RNF180: variants seen among roughly 807,000 people sequenced by gnomAD.
RNF180 encodes the protein ring finger protein 180.
A neutral mutation model predicts 59.2 loss-of-function variants in RNF180; 38 were observed. The ratio of observed to expected loss-of-function variants is 0.64; its 90% confidence interval spans 0.50 to 0.84. The LOEUF (loss-of-function observed/expected upper bound fraction) is 0.84. Ranked by LOEUF, RNF180 falls within the 40% of genes least tolerant of loss-of-function variation. RNF180 has a pLI of 0.00. For synonymous variants in RNF180, 262 were observed against 240.3 expected, an observed-to-expected ratio of 1.09 and a Z score of -0.84; for missense variants, 705 against 700.9, an observed-to-expected ratio of 1.01 and a Z score of -0.07.
chr5:64,234,168 C>T (rs1015218591), intron 5 of RNF180, among the ~76,000 whole-genome samples: 4 of 152,016 alleles, frequency 2.6e-5, no homozygotes, highest in Non-Finnish European at 4.4e-5. Context: ...CTGTTAAAAA[C>T]GAATTAAAGT....
intron 5 of RNF180, among the ~76,000 whole-genome samples, chr5:64,244,707 G>C (rs1170848149): frequency 1.3e-5 from 2 of 152,130 alleles, no homozygotes; most frequent in Non-Finnish European, 2.9e-5. Context: ...TAGCAAGACA[G>C]GCCAACATTC....
chr5:64,230,906 AT>A lies in RNF180; in HGVS notation c.1227+13511del, dbSNP rs576892358. Among the ~76,000 whole-genome samples, 243 of 152,348 alleles carry A rather than the reference AT, an allele frequency of 1.6e-3. 1 individual carries two copies. The highest frequency in any genetic ancestry group is 5.6e-3 in the African/African-American group (232 of 41,580). On this transcript the variant is annotated intron_variant, in intron 5 of 7. Transcript: ENST00000389100. The stretch of plus-strand genomic sequence containing the variant: ...AAAGTGAGTATGGGTTCTAGGAGGT[AT>A]AATTCATTAATTATGTATCCACCAT...
chr5:64,369,270 T>C (rs1746567899), intron 7 of RNF180, among the ~76,000 whole-genome samples: 1 of 151,700 alleles, frequency 6.6e-6, no homozygotes, highest in Admixed American at 6.6e-5. Context: ...TGAGAACACA[T>C]GGACACAGGA....
intron 7 of RNF180, among the ~76,000 whole-genome samples, 159 bp downstream of exon 7, chr5:64,330,565 A>G (rs1744858891): frequency 6.6e-6 from 1 of 152,274 alleles, no homozygotes; most frequent in Non-Finnish European, 1.5e-5. Context: ...GCTGAAAACT[A>G]CAGATGTACA....
intron 5 of RNF180, among the ~76,000 whole-genome samples, chr5:64,316,066 A>G (rs1362441707): frequency 2.0e-5 from 3 of 152,044 alleles, no homozygotes; most frequent in African/African-American, 4.8e-5. Context: ...ATAACATCTC[A>G]GTATATTATT....
chr5:64,259,256 T>C (rs1048385086), intron 5 of RNF180, among the ~76,000 whole-genome samples: 8 of 152,144 alleles, frequency 5.3e-5, no homozygotes, highest in Admixed American at 4.6e-4. Flanking sequence ...CTGAAGAGGC[T>C]GAGAATCCCG....
intron 5 of RNF180, among the ~76,000 whole-genome samples, chr5:64,220,476 T>C (rs950070817): frequency 3.9e-5 from 6 of 152,060 alleles, no homozygotes; most frequent in East Asian, 3.8e-4. Flanking sequence ...TGCAACTTCA[T>C]TTGGTCCATC....
At chr5:64,349,440 T>TTTTTATATAATATA in intron 7 of RNF180, among the ~76,000 whole-genome samples, 1 of 152,064 alleles carries the variant, frequency 6.6e-6, no homozygotes, top group South Asian at 2.1e-4. Flanking sequence ...TATTACTTTT[T>TTTTTATATAATATA]TTTATTATAC....
chr5:64,352,498 T>C (rs897117291), intron 7 of RNF180, among the ~76,000 whole-genome samples: 5 of 152,060 alleles, frequency 3.3e-5, no homozygotes, highest in Admixed American at 3.3e-4. Context: ...GATGTTAGGG[T>C]GTCAATTTTA....
At chr5:64,360,123 T>G (rs1746192010) in intron 7 of RNF180, among the ~76,000 whole-genome samples, 1 of 152,002 alleles carries the variant, frequency 6.6e-6, no homozygotes, top group African/African-American at 2.4e-5. Context: ...TGCGGGCTCT[T>G]TTTTGGTTCC....
chr5:64,340,890 G>A (rs560915140), intron 7 of RNF180, among the ~76,000 whole-genome samples: 25 of 151,926 alleles, frequency 1.6e-4, no homozygotes, highest in Non-Finnish European at 3.4e-4. Flanking sequence ...TAAAAATTAT[G>A]AGCAGTGTTT....
At chr5:64,369,404 T>A (rs986124784) in intron 7 of RNF180, among the ~76,000 whole-genome samples, 2 of 151,778 alleles carry the variant, frequency 1.3e-5, no homozygotes, top group Non-Finnish European at 2.9e-5. Context: ...GGCACATGTA[T>A]ACATATGTAA....
intron 5 of RNF180, among the ~76,000 whole-genome samples, chr5:64,254,415 C>G (rs1331214504): frequency 6.6e-6 from 1 of 152,112 alleles, no homozygotes; most frequent in Non-Finnish European, 1.5e-5. Context: ...TTGTTTATTT[C>G]TTCTTTTGTT....
intron 5 of RNF180, among the ~76,000 whole-genome samples, chr5:64,277,419 T>C (rs948169233): frequency 6.6e-6 from 1 of 152,134 alleles, no homozygotes; most frequent in Non-Finnish European, 1.5e-5. Flanking sequence ...GAAAAATAAA[T>C]AAGCAGTGTA....
chr5:64,320,681 G>A (rs1384293690), intron 5 of RNF180, among the ~76,000 whole-genome samples: 3 of 152,124 alleles, frequency 2.0e-5, no homozygotes, highest in Non-Finnish European at 4.4e-5. Flanking sequence ...TATCAATAAT[G>A]TAAAAGAAGA....
At chr5:64,196,066 T>C (rs190929443) in intron 1 of RNF180, among the ~76,000 whole-genome samples, 8 of 152,302 alleles carry the variant, frequency 5.3e-5, no homozygotes. Flanking sequence ...TTTCTTTTCC[T>C]TGTCAATTTT....
At chr5:64,192,940 A>ATATATATATATATATATAT (rs1561179048) in intron 1 of RNF180, among the ~76,000 whole-genome samples, 4 of 70,028 alleles carry the variant, frequency 5.7e-5, no homozygotes, top group East Asian at 6.0e-4. Flanking sequence ...TATATATATA[A>ATATATATATATATATATAT]AATGAAACAT....
chr5:64,211,586 GT>G (rs1179526122), intron 2 of RNF180, among the ~76,000 whole-genome samples: 1 of 152,150 alleles, frequency 6.6e-6, no homozygotes, highest in Non-Finnish European at 1.5e-5. Flanking sequence ...AAGGAGGCCT[GT>G]TTTGGGGTAG....
chr5:64,314,863 T>G (rs928453227), intron 5 of RNF180, among the ~76,000 whole-genome samples: 5 of 152,132 alleles, frequency 3.3e-5, no homozygotes, highest in Non-Finnish European at 7.4e-5. Flanking sequence ...AAGGGGATAG[T>G]AGTATAATAG....
Sources: gnomAD v4.1 joint callset for allele counts (sites outside exome capture counted in the v4.1 genomes callset) on GRCh38, gnomAD v4.1.1 for gene constraint, MANE v1.5 for transcripts, NCBI Gene and HGNC (gene_info 2026-07-23, HGNC 2026-07-21) for gene names.